Variants in FAM171A1 observed in about 807,000 individuals in gnomAD.
FAM171A1 encodes family with sequence similarity 171 member A1, also known as protein FAM171A1.
Under a neutral mutation model 74.9 loss-of-function variants are expected in FAM171A1, and 23 were observed. That is an observed-to-expected ratio of 0.31 (90% confidence interval 0.22 to 0.44). FAM171A1 has a LOEUF of 0.44. Ranked by LOEUF, FAM171A1 falls within the 20% of genes least tolerant of loss-of-function variation. FAM171A1 has a pLI of 1.00. For missense variants in FAM171A1, 1,162 were observed against 1,159.2 expected (o/e 1.00, Z -0.03); for synonymous variants, 527 against 505.7 (o/e 1.04, Z -0.57).
At chr10:15,219,454 T>C (rs761115384) in intron 6 of FAM171A1, among the ~76,000 whole-genome samples, 4 of 152,214 alleles carry the variant, frequency 2.6e-5, no homozygotes, top group Admixed American at 6.5e-5. Context: ...CTTAAGACAA[T>C]TCTTTTCCTT....
intron 5 of FAM171A1, among the ~76,000 whole-genome samples, chr10:15,233,289 C>T (rs1452621554): frequency 6.8e-6 from 1 of 147,020 alleles, no homozygotes; most frequent in African/African-American, 2.4e-5. Flanking sequence ...AGCAAGACTC[C>T]GTCTCAAAAA....
intron 1 of FAM171A1, among the ~76,000 whole-genome samples, chr10:15,370,240 C>CT (rs34087157): frequency 0.017 from 1,837 of 110,836 alleles, 29 homozygotes; most frequent in African/African-American, 0.032. Flanking sequence ...AAGGATTTTT[C>CT]TTTTTTTTTT....
At chr10:15,341,153 G>A (rs183474153) in intron 1 of FAM171A1, among the ~76,000 whole-genome samples, 52 of 152,276 alleles carry the variant, frequency 3.4e-4, no homozygotes, top group African/African-American at 1.2e-3. Context: ...AGTAGGACAC[G>A]CACCATGGAC....
chr10:15,330,788 GCTCACTGT>G (rs1835620224), intron 1 of FAM171A1, among the ~76,000 whole-genome samples: 1 of 140,568 alleles, frequency 7.1e-6, no homozygotes, highest in Admixed American at 8.0e-5. Context: ...CACAATCTTG[GCTCACTGT>G]AACCTCCACC....
chr10:15,328,207 C>T lies in FAM171A1; in HGVS notation c.97+42749G>A, dbSNP rs887723712. On this transcript the variant is annotated intron_variant, in intron 1 of 7. Transcript: ENST00000378116. ...TCGCCCAGGCTGGAGTGCAATGGTG[C>T]GATCTCAGCTCACTGCAACCTCCAC... Among the ~76,000 whole-genome samples the T allele has an allele frequency of 5.9e-5, 9 of 152,142 alleles. 1 individual carries two copies. In the Middle Eastern group the frequency reaches 0.01, roughly 172 times the overall value.
chr10:15,332,237 T>A (rs998114839), intron 1 of FAM171A1, among the ~76,000 whole-genome samples: 1 of 151,936 alleles, frequency 6.6e-6, no homozygotes, highest in African/African-American at 2.4e-5. Context: ...ATTACAGGAG[T>A]GAGCCACCAC....
intron 1 of FAM171A1, among the ~76,000 whole-genome samples, chr10:15,284,457 C>T (rs140758740): frequency 1.3e-5 from 2 of 152,148 alleles, no homozygotes; most frequent in African/African-American, 4.8e-5. Flanking sequence ...CAGTCTCACT[C>T]TGTTGCACAG....
intron 3 of FAM171A1, among the ~76,000 whole-genome samples, chr10:15,263,007 T>C (rs1231283764): frequency 2.0e-5 from 3 of 152,092 alleles, no homozygotes; most frequent in Non-Finnish European, 2.9e-5. Context: ...GAGGGGCATA[T>C]GGAGTGTGCT....
At chr10:15,344,106 A>G (rs1835794507) in intron 1 of FAM171A1, among the ~76,000 whole-genome samples, 1 of 152,206 alleles carries the variant, frequency 6.6e-6, no homozygotes, top group Non-Finnish European at 1.5e-5. Flanking sequence ...CTTCATCTTT[A>G]AAGAGGTGCA....
chr10:15,339,619 G>A (rs1324011898), intron 1 of FAM171A1, among the ~76,000 whole-genome samples: 2 of 152,160 alleles, frequency 1.3e-5, no homozygotes, highest in Admixed American at 1.3e-4. Flanking sequence ...CACTGCTGCT[G>A]CTCTTGAGCT....
chr10:15,248,758 C>G lies in FAM171A1; in HGVS notation c.635G>C (p.Ser212Thr), dbSNP rs1834468326. 3.7e-6 allele frequency: 6 copies of G among 1,613,622 alleles called. No individual in the cohort carries two copies. The highest frequency in any genetic ancestry group is 5.1e-6 in the Non-Finnish European group (6 of 1,179,732). Reference sequence around the variant, plus strand: ...CACCAGCACCGGCGTTCCATTACTGCTCAGCAAGTGGACGCTGACGGCTGT... The same window carrying G: ...CACCAGCACCGGCGTTCCATTACTGGTCAGCAAGTGGACGCTGACGGCTGT... ...PVTAVSVHLL[S>T]SNGTPVLVDG... Residue 212 changes from serine (S) to threonine (T), a missense_variant, in exon 5 of 8, where the codon AGC becomes ACC. Physicochemically the swap from Ser to Thr is moderately conservative, Grantham distance 58. Transcript: ENST00000378116.
chr10:15,227,484 G>C (rs1834123908), intron 5 of FAM171A1, among the ~76,000 whole-genome samples: 1 of 152,166 alleles, frequency 6.6e-6, no homozygotes, highest in African/African-American at 2.4e-5. Flanking sequence ...CTGTGCTCAA[G>C]GGATCCTCCC....
At chr10:15,225,138 T>C (rs1834088231) in intron 5 of FAM171A1, among the ~76,000 whole-genome samples, 1 of 152,246 alleles carries the variant, frequency 6.6e-6, no homozygotes, top group African/African-American at 2.4e-5. Flanking sequence ...TCTCCTTTCT[T>C]AGATCGTAAA....
Position 15,371,164 on chromosome 10 carries a change from G to C in FAM171A1, c.-112C>G, listed in dbSNP as rs1041397053. 1.9e-5 allele frequency: 5 copies of C among 261,352 alleles called. No individual in the cohort carries two copies. The highest frequency in any genetic ancestry group is 4.8e-5 in the African/African-American group (2 of 41,882). 16.2% of individuals were successfully genotyped at this position (261,352 alleles called of 1,614,324 possible). On this transcript the variant is annotated 5_prime_UTR_variant, in exon 1 of 8. Coordinates refer to ENST00000378116, the MANE Select transcript of FAM171A1 (RefSeq NM_001010924.2). ...CTCCATGTCGCTGGCTCCGCGCGCC[G>C]GGCCCGCCGCCCGATTGGCCCGGCC...
intron 6 of FAM171A1, 31 bp from the exon 7 acceptor site, chr10:15,216,141 T>C (rs1042535557): frequency 1.6e-5 from 22 of 1,371,348 alleles, no homozygotes; most frequent in Non-Finnish European, 2.2e-5. Context: ...ATTTAGAGTT[T>C]TGAACACCTT....
Position 15,341,284 on chromosome 10 carries a change from A to G in FAM171A1, c.97+29672T>C, listed in dbSNP as rs1342839189. 2.0e-5 allele frequency among the ~76,000 whole-genome samples: 3 copies of G among 152,220 alleles called. No homozygotes were observed. The East Asian group carries it at 5.8e-4, about 29-fold the overall frequency. On this transcript the variant is annotated intron_variant, in intron 1 of 7. Coordinates refer to ENST00000378116, the MANE Select transcript of FAM171A1 (RefSeq NM_001010924.2). ...ACCTCTGCTTAGCTTACAAAAAGTCATATTTGAGAACTGCTGGTTTATACT... is the reference window on the plus strand; with the variant it reads ...ACCTCTGCTTAGCTTACAAAAAGTCGTATTTGAGAACTGCTGGTTTATACT...
At chr10:15,265,485 C>T (rs985586893) in intron 3 of FAM171A1, among the ~76,000 whole-genome samples, 2 of 141,642 alleles carry the variant, frequency 1.4e-5, no homozygotes, top group Admixed American at 7.4e-5. Context: ...CTTAGTGGTG[C>T]ATGCCTATAG....
chr10:15,285,333 C>T, intron 1 of FAM171A1, among the ~76,000 whole-genome samples: 1 of 152,006 alleles, frequency 6.6e-6, no homozygotes, highest in Non-Finnish European at 1.5e-5. Flanking sequence ...TTTATGAGCT[C>T]CGTAAAAGGA....
intron 1 of FAM171A1, among the ~76,000 whole-genome samples, chr10:15,306,106 T>C (rs749312759): frequency 6.6e-6 from 1 of 152,204 alleles, no homozygotes; most frequent in African/African-American, 2.4e-5. Flanking sequence ...GGGTCTCGTG[T>C]GCAACTCGAC....
Sources: gnomAD v4.1 joint callset for allele counts (sites outside exome capture counted in the v4.1 genomes callset) on GRCh38, gnomAD v4.1.1 for gene constraint, MANE v1.5 for transcripts, NCBI Gene and HGNC (gene_info 2026-07-23, HGNC 2026-07-21) for gene names.